ZBTB44: variants seen among roughly 807,000 people sequenced by gnomAD.
ZBTB44 encodes zinc finger and BTB domain containing 44.
A neutral mutation model predicts 54.0 loss-of-function variants in ZBTB44; 15 were observed. That is an observed-to-expected ratio of 0.28 (90% CI 0.19 to 0.43). The LOEUF is 0.43. Ranked by LOEUF, ZBTB44 falls within the 20% of genes least tolerant of loss-of-function variation. ZBTB44 has a pLI of 1.00. For synonymous variants in ZBTB44, 230 were observed against 250.1 expected (o/e 0.92, Z 0.76); for missense variants, 487 against 707.1 (o/e 0.69, Z 3.53).
At chr11:130,265,193 A>C (rs1939161539) in intron 1 of ZBTB44, among the ~76,000 whole-genome samples, 1 of 152,076 alleles carries the variant, frequency 6.6e-6, no homozygotes, top group Admixed American at 6.6e-5. Flanking sequence ...ATGGCCTCTA[A>C]ATGACCAAGT....
chr11:130,264,659 C>T (rs1276835702), intron 1 of ZBTB44, among the ~76,000 whole-genome samples: 1 of 152,162 alleles, frequency 6.6e-6, no homozygotes, highest in Non-Finnish European at 1.5e-5. Flanking sequence ...TGAGGAAATG[C>T]ATTCTCTACC....
At position 130,314,851 on chromosome 11, in the gene ZBTB44, G is replaced by GCGC. The variant is rs1565347975; in HGVS notation, c.-536_-534dup. ...AGCCGCCGCCGCGCGCGTGCGGCCG[G>GCGC]CGCCGCCGCCGTTGCCGCTCCGCTC... On this transcript the variant is annotated 5_prime_UTR_variant, in exon 1 of 8. Transcript: ENST00000357899. 2 of 150,960 alleles carry GCGC rather than the reference G, an allele frequency of 1.3e-5. No individual in the cohort carries two copies. Among genetic ancestry groups the GCGC allele is most frequent in the Admixed American group, 6.6e-5 (1 of 15,070 alleles). 9.4% of individuals were successfully genotyped at this position (150,960 alleles called of 1,614,324 possible).
chr11:130,268,238 C>G, intron 1 of ZBTB44, among the ~76,000 whole-genome samples: 1 of 137,164 alleles, frequency 7.3e-6, no homozygotes, highest in African/African-American at 3.2e-5. Context: ...AAAAAAAAAG[C>G]GGGGGGTGGA....
intron 5 of ZBTB44, among the ~76,000 whole-genome samples, chr11:130,235,383 A>C (rs1305930790): frequency 6.6e-6 from 1 of 152,230 alleles, no homozygotes; most frequent in Non-Finnish European, 1.5e-5. Flanking sequence ...TGATATGTAT[A>C]ACCTAAGGTT....
At chr11:130,235,742 G>A (rs1954080197) in intron 5 of ZBTB44, among the ~76,000 whole-genome samples, 1 of 152,080 alleles carries the variant, frequency 6.6e-6, no homozygotes, top group South Asian at 2.1e-4. Context: ...GCTCACGCCT[G>A]TAATCCCACA....
intron 1 of ZBTB44, among the ~76,000 whole-genome samples, chr11:130,263,637 AAAC>A (rs1456862123): frequency 1.3e-5 from 2 of 152,258 alleles, no homozygotes; most frequent in Admixed American, 1.3e-4. Context: ...AATAGGCCCC[AAAC>A]AACAGATAAT....
intron 2 of ZBTB44, among the ~76,000 whole-genome samples, chr11:130,257,294 T>G (rs959634120): frequency 1.3e-5 from 2 of 150,946 alleles, no homozygotes; most frequent in Admixed American, 6.6e-5. Context: ...TACCAATGTA[T>G]GTGACCTTAT....
chr11:130,260,616 T>C (rs1203934293), intron 2 of ZBTB44, among the ~76,000 whole-genome samples: 1 of 152,258 alleles, frequency 6.6e-6, no homozygotes, highest in Non-Finnish European at 1.5e-5. Flanking sequence ...ACTGCTTTTT[T>C]GTGTATGTGT....
At chr11:130,240,096 C>T (rs536690095) in intron 2 of ZBTB44, among the ~76,000 whole-genome samples, 200 bp from the exon 3 acceptor site, 19 of 142,496 alleles carry the variant, frequency 1.3e-4, no homozygotes, top group African/African-American at 3.9e-4. Context: ...GGCTGGAGTG[C>T]GGTGGCGCGA....
In ZBTB44 at chr11:130,230,202, G is replaced by A. The variant is rs1953823990; in HGVS notation, c.*1562C>T. 6.6e-6 allele frequency: 1 copy of A among 151,830 alleles called. No homozygotes were observed. The highest frequency in any genetic ancestry group is 1.9e-4 in the East Asian group (1 of 5,192). 9.4% of individuals were successfully genotyped at this position (151,830 alleles called of 1,614,324 possible). A position where few individuals can be genotyped will look rare whatever the true frequency, so the allele number is the denominator to read the frequency against. On this transcript the variant is annotated 3_prime_UTR_variant, in exon 8 of 8. Coordinates refer to ENST00000357899, the MANE Select transcript of ZBTB44 (RefSeq NM_001301098.2). ...ATAAAAGCTGATAAAATAGATAACTGGCCTCTATTTAGATTAAGAGAAAAA... is the reference window on the plus strand; with the variant it reads ...ATAAAAGCTGATAAAATAGATAACTAGCCTCTATTTAGATTAAGAGAAAAA...
chr11:130,237,739 A>G (rs1181528202), intron 4 of ZBTB44, among the ~76,000 whole-genome samples: 1 of 152,232 alleles, frequency 6.6e-6, no homozygotes, highest in Non-Finnish European at 1.5e-5. Context: ...ACAAAGTCAC[A>G]GAGAATTGGT....
At position 130,314,397 on chromosome 11, in the gene ZBTB44, C is replaced by G. The variant is rs1347183146; in HGVS notation, c.-79G>C. The G allele has an allele frequency of 6.5e-6, 1 of 153,078 alleles. No homozygotes were observed. Among genetic ancestry groups the G allele is most frequent in the Non-Finnish European group, 1.5e-5 (1 of 68,270 alleles). 9.5% of individuals were successfully genotyped at this position (153,078 alleles called of 1,614,324 possible). ...TACCTGCGGGCGGCGGCGCCGGGCC[C>G]GGAGGCCTGCTGCTCCTCCTCCTTC... On this transcript the variant is annotated 5_prime_UTR_variant, in exon 1 of 8. Transcript: ENST00000357899.
intron 2 of ZBTB44, among the ~76,000 whole-genome samples, chr11:130,246,705 A>G (rs141541362): frequency 6.2e-4 from 94 of 152,344 alleles, no homozygotes; most frequent in African/African-American, 2.1e-3. Flanking sequence ...GGTTTTCAAT[A>G]TAAGATCTCA....
intron 2 of ZBTB44, among the ~76,000 whole-genome samples, chr11:130,245,587 A>C (rs1207983579): frequency 6.6e-6 from 1 of 151,996 alleles, no homozygotes; most frequent in Non-Finnish European, 1.5e-5. Context: ...GGGTAGGCCA[A>C]GAAGACTGGC....
At chr11:130,307,668 T>C (rs890512423) in intron 1 of ZBTB44, among the ~76,000 whole-genome samples, 7 of 152,108 alleles carry the variant, frequency 4.6e-5, no homozygotes, top group Non-Finnish European at 7.4e-5. Flanking sequence ...TAATACCATA[T>C]TATTTTTGAG....
At chr11:130,292,922 C>T (rs922631425) in intron 1 of ZBTB44, among the ~76,000 whole-genome samples, 4 of 152,218 alleles carry the variant, frequency 2.6e-5, no homozygotes, top group East Asian at 3.9e-4. Context: ...AGCAGTACCT[C>T]ATATTTTATA....
At position 130,236,781 on chromosome 11, in the gene ZBTB44, T is replaced by A; in HGVS notation, c.1568+12A>T. The A allele has an allele frequency of 7.5e-7, 1 of 1,329,032 alleles. No individual in the cohort carries two copies. Among genetic ancestry groups the A allele is most frequent in the Non-Finnish European group, 9.6e-7 (1 of 1,041,058 alleles). The allele number at this position is 1,329,032 out of a possible 1,614,324, so 82.3% of individuals were successfully genotyped here. A position where few individuals can be genotyped will look rare whatever the true frequency, so the allele number is the denominator to read the frequency against. On this transcript the variant is annotated intron_variant, in intron 5 of 7. Transcript: ENST00000357899. ...GCAGTTTTCCTGGTTGGGTTTTCGT[T>A]GTGCACCTCACCTGCTCTGGAAGTA...
intron 2 of ZBTB44, among the ~76,000 whole-genome samples, chr11:130,257,810 T>C (rs1443775150): frequency 6.6e-6 from 1 of 152,178 alleles, no homozygotes; most frequent in Non-Finnish European, 1.5e-5. Context: ...TTTTCTTCTA[T>C]CCCTTCCCAA....
chr11:130,282,731 C>A (rs974200079), intron 1 of ZBTB44, among the ~76,000 whole-genome samples: 2 of 152,206 alleles, frequency 1.3e-5, no homozygotes, highest in Admixed American at 6.5e-5. Context: ...GTGGCTACCA[C>A]CTTAAACGGT....
Sources: gnomAD v4.1 joint callset for allele counts (sites outside exome capture counted in the v4.1 genomes callset) on GRCh38, gnomAD v4.1.1 for gene constraint, MANE v1.5 for transcripts, NCBI Gene and HGNC (gene_info 2026-07-23, HGNC 2026-07-21) for gene names.